The following QSOX1 variants were observed in gnomAD, a reference collection of about 807,000 sequenced individuals.
QSOX1 encodes the protein quiescin sulfhydryl oxidase 1.
Under a neutral mutation model 76.1 loss-of-function variants are expected in QSOX1, and 40 were observed. That is an observed-to-expected ratio of 0.53 (90% CI 0.41 to 0.68). The LOEUF (loss-of-function observed/expected upper bound fraction) is 0.68. QSOX1 is among the 30% of genes least tolerant of loss of function. The pLI is 0.00. For synonymous variants in QSOX1, 392 were observed against 413.1 expected, an observed-to-expected ratio of 0.95 and a Z score of 0.62; for missense variants, 931 against 974.3, an observed-to-expected ratio of 0.96 and a Z score of 0.59.
rs914406244 is a variant in QSOX1 at position 180,155,183 on chromosome 1, G to A, written c.265+11G>A. On this transcript the variant is annotated intron_variant, in intron 1 of 11. Coordinates refer to ENST00000367602, the MANE Select transcript of QSOX1 (RefSeq NM_002826.5). ...CCGAAGACGTCAAAGGTGAGAAGCG[G>A]GGGCGGCCCGCTCCCCCGTGCCCCG... 4.0e-6 allele frequency: 6 copies of A among 1,482,242 alleles called. No homozygotes were observed. Among genetic ancestry groups the A allele is most frequent in the Admixed American group, 2.3e-5 (1 of 44,250 alleles). The allele number at this position is 1,482,242 out of a possible 1,614,324, so 91.8% of individuals were successfully genotyped here.
intron 9 of QSOX1, 27 bp from the exon 10 acceptor site, chr1:180,190,406 G>T: frequency 6.2e-7 from 1 of 1,603,092 alleles, no homozygotes; most frequent in South Asian, 1.1e-5. Context: ...TTCTCCATAT[G>T]TGCACTCACA....
At chr1:180,162,911 C>A (rs1033060610) in intron 1 of QSOX1, among the ~76,000 whole-genome samples, 1 of 152,094 alleles carries the variant, frequency 6.6e-6, no homozygotes, top group Non-Finnish European at 1.5e-5. Flanking sequence ...GAGAGGACTC[C>A]ATTTTCTTAA....
At chr1:180,193,227 C>T (rs1344750969) in intron 10 of QSOX1, among the ~76,000 whole-genome samples, 1 of 152,040 alleles carries the variant, frequency 6.6e-6, no homozygotes, top group Non-Finnish European at 1.5e-5. Context: ...AAAGAAAAAA[C>T]ACTAACGGGA....
intron 2 of QSOX1, among the ~76,000 whole-genome samples, chr1:180,167,640 C>T (rs895448254): frequency 2.0e-5 from 3 of 152,336 alleles, no homozygotes; most frequent in Non-Finnish European, 4.4e-5. Flanking sequence ...AGGGTTTCCA[C>T]ACCTAATAGA....
chr1:180,161,158 CTAAAA>C (rs914503701), intron 1 of QSOX1, among the ~76,000 whole-genome samples: 14 of 151,970 alleles, frequency 9.2e-5, no homozygotes, highest in Admixed American at 2.6e-4. Flanking sequence ...AAGACTCCAT[CTAAAA>C]TAAAATAAAA....
At chr1:180,177,250 CTTTTTT>C (rs34390948) in intron 4 of QSOX1, among the ~76,000 whole-genome samples, 1,769 of 112,896 alleles carry the variant, frequency 0.016, 44 homozygotes, top group African/African-American at 0.054. Context: ...CAAAGTGATC[CTTTTTT>C]TTTTTTTTTT....
chr1:180,185,410 C>T (rs562940124), intron 7 of QSOX1, among the ~76,000 whole-genome samples: 280 of 152,324 alleles, frequency 1.8e-3, no homozygotes, highest in African/African-American at 6.5e-3. Context: ...GCCTGGACCC[C>T]AGCATGATGG....
At chr1:180,182,603 C>T (rs1207986244) in intron 6 of QSOX1, among the ~76,000 whole-genome samples, 1 of 152,176 alleles carries the variant, frequency 6.6e-6, no homozygotes. Flanking sequence ...AGCCCTGGCC[C>T]TCTTCTCCAC....
At chr1:180,182,888 G>T (rs1254974753) in intron 6 of QSOX1, among the ~76,000 whole-genome samples, 5 of 152,182 alleles carry the variant, frequency 3.3e-5, no homozygotes, top group African/African-American at 1.2e-4. Flanking sequence ...GCAGGCAGGA[G>T]CATTGGGCCA....
intron 1 of QSOX1, among the ~76,000 whole-genome samples, chr1:180,164,298 G>C (rs564962367): frequency 6.6e-6 from 1 of 152,194 alleles, no homozygotes; most frequent in Non-Finnish European, 1.5e-5. Context: ...AAAAGTGTGT[G>C]GTGGGGGGGT....
chr1:180,192,553 G>T (rs1663344068), intron 10 of QSOX1, among the ~76,000 whole-genome samples: 1 of 152,188 alleles, frequency 6.6e-6, no homozygotes, highest in South Asian at 2.1e-4. Flanking sequence ...GTTAAAGGCA[G>T]AGCTGAGGGA....
At chr1:180,172,697 T>C (rs1662790510) in intron 2 of QSOX1, among the ~76,000 whole-genome samples, 1 of 152,114 alleles carries the variant, frequency 6.6e-6, no homozygotes, top group Non-Finnish European at 1.5e-5. Flanking sequence ...TTTTATATTT[T>C]TAGTAGAGAC....
In QSOX1 at chr1:180,198,501, G is replaced by A. The variant is rs779839506; in HGVS notation, c.*1464G>A. The stretch of plus-strand genomic sequence containing the variant: ...TAAGGGGGAGCAGGAGCCTCAATCC[G>A]ATTTGGTTTTCTCTTTGACATCTTC... On this transcript the variant is annotated 3_prime_UTR_variant, in exon 12 of 12. Transcript: ENST00000367602. 5 of 421,774 alleles carry A rather than the reference G, an allele frequency of 1.2e-5. No homozygotes were observed. The highest frequency in any genetic ancestry group is 9.9e-5 in the Admixed American group (4 of 40,344). The allele number at this position is 421,774 out of a possible 1,614,324, so 26.1% of individuals were successfully genotyped here.
At chr1:180,194,516 C>A in intron 11 of QSOX1, 124 bp downstream of exon 11, 2 of 932,432 alleles carry the variant, frequency 2.1e-6, no homozygotes, top group South Asian at 1.9e-5. Flanking sequence ...ACAGCCCAGG[C>A]CTGTTAACCA....
rs772197584 is a variant in QSOX1 at position 180,196,410 on chromosome 1, C to A, written c.1617C>A (p.Asn539Lys). ...TCAAGGCCCACTTCTCCCCAAGCAA[C>A]ATCATCCTGGACTTCCCTGCAGCTG... is the stretch of plus-strand genomic sequence containing the variant. ...NFLKAHFSPS[N>K]IILDFPAAGS... Residue 539 changes from asparagine to lysine, a missense_variant, in exon 12 of 12, where the codon AAC becomes AAA. Transcript: ENST00000367602. This position sits in a 1 kb window ranked among gnomAD's most constrained non-coding sequence, Gnocchi z 4.1. The A allele has an allele frequency of 1.2e-6, 2 of 1,614,218 alleles. No individual in the cohort carries two copies. The highest frequency in any genetic ancestry group is 2.2e-5 in the South Asian group (2 of 91,084).
At chr1:180,187,516 G>A (rs1663203975) in intron 8 of QSOX1, among the ~76,000 whole-genome samples, 1 of 152,248 alleles carries the variant, frequency 6.6e-6, no homozygotes, top group Non-Finnish European at 1.5e-5. Flanking sequence ...CTCCAAAGGA[G>A]TCACCCCAGG....
intron 2 of QSOX1, among the ~76,000 whole-genome samples, chr1:180,170,617 G>T (rs1662737604): frequency 6.6e-6 from 1 of 152,228 alleles, no homozygotes; most frequent in Non-Finnish European, 1.5e-5. Context: ...AGGGCTGGGT[G>T]CTGACTGCTC....
chr1:180,166,439 C>T (rs777327659), intron 1 of QSOX1, 52 bp from the exon 2 acceptor site: 1 of 1,430,084 alleles, frequency 7.0e-7, no homozygotes, highest in Admixed American at 1.7e-5. Context: ...GATGGGCGGG[C>T]AGAGGGGGTA....
intron 8 of QSOX1, among the ~76,000 whole-genome samples, chr1:180,189,319 T>G (rs1331592300): frequency 2.0e-5 from 3 of 152,180 alleles, no homozygotes; most frequent in African/African-American, 4.8e-5. Flanking sequence ...GCACCTTCCC[T>G]ACCCTGTCTT....
Sources: gnomAD v4.1 joint callset for allele counts (sites outside exome capture counted in the v4.1 genomes callset) on GRCh38, gnomAD v4.1.1 for gene constraint, Gnocchi (gnomAD v3.1) non-coding constraint, MANE v1.5 for transcripts, NCBI Gene and HGNC (gene_info 2026-07-23, HGNC 2026-07-21) for gene names.